MYCT1: variants seen among roughly 807,000 people sequenced by gnomAD.
The protein encoded by MYCT1 is MYC target 1, also known as myc target protein 1.
A neutral mutation model predicts 15.0 loss-of-function variants in MYCT1; 12 were observed. The ratio of observed to expected loss-of-function variants is 0.80; its 90% CI spans 0.51 to 1.29. The LOEUF is 1.29. Ranked by LOEUF, MYCT1 falls within the 50% of genes most tolerant of loss-of-function variation. The pLI is 0.00. For missense variants in MYCT1, 287 were observed against 279.1 expected, an observed-to-expected ratio of 1.03 and a Z score of -0.20; for synonymous variants, 104 against 102.7, an observed-to-expected ratio of 1.01 and a Z score of -0.07.
At chr6:152,707,420 T>A (rs1159954096) in intron 1 of MYCT1, among the ~76,000 whole-genome samples, 1 of 152,044 alleles carries the variant, frequency 6.6e-6, no homozygotes, top group Non-Finnish European at 1.5e-5. Context: ...TCATCAGATA[T>A]ACGGTTTGCA....
downstream of MYCT1, among the ~76,000 whole-genome samples, chr6:152,728,596 A>G (rs767197842): frequency 5.3e-5 from 8 of 152,118 alleles, no homozygotes; most frequent in Non-Finnish European, 1.0e-4. Flanking sequence ...AAAAACTCCT[A>G]TTAAGAATTC....
chr6:152,738,742 T>G, the MYCT1 span, among the ~76,000 whole-genome samples: 424 of 152,218 alleles, frequency 2.8e-3, 1 homozygote, highest in African/African-American at 9.8e-3. Context: ...ATTAGCACAT[T>G]TAGCTACCAT....
downstream of MYCT1, among the ~76,000 whole-genome samples, chr6:152,728,123 C>G (rs1401186174): frequency 6.6e-6 from 1 of 151,394 alleles, no homozygotes; most frequent in Non-Finnish European, 1.5e-5. Flanking sequence ...GAGATCATGC[C>G]ACTGCACTCC....
the MYCT1 span, among the ~76,000 whole-genome samples, chr6:152,737,172 C>A: frequency 6.6e-6 from 1 of 151,994 alleles, no homozygotes; most frequent in East Asian, 1.9e-4. Context: ...AAATTGCTTG[C>A]AAAATGTACT....
the MYCT1 span, among the ~76,000 whole-genome samples, chr6:152,737,973 A>G: frequency 1.3e-5 from 2 of 152,142 alleles, no homozygotes; most frequent in African/African-American, 4.8e-5. Context: ...TTCTATTTCT[A>G]GGAATTTATC....
In MYCT1 at chr6:152,722,118, T is replaced by C. The variant is rs775402977; in HGVS notation, c.573T>C (p.Asn191=). Residue 191 remains asparagine (N), a synonymous_variant, in exon 2 of 2, where the codon AAT becomes AAC. Transcript: ENST00000367245. ...AGCTGGTGACTCTCCCTTCTTCCAA[T>C]ATCTCTCCCACCATCAGCACTTCCC... is the stretch of plus-strand genomic sequence containing the variant. ...ESQLVTLPSS[N]ISPTISTSHS... 2 of 1,614,136 alleles carry C rather than the reference T, an allele frequency of 1.2e-6. No individual in the cohort carries two copies. The highest frequency in any genetic ancestry group is 4.5e-5 in the East Asian group (2 of 44,882).
intron 1 of MYCT1, among the ~76,000 whole-genome samples, chr6:152,718,898 G>A (rs923855651): frequency 3.3e-5 from 5 of 151,798 alleles, no homozygotes; most frequent in African/African-American, 9.7e-5. Flanking sequence ...TCTAGTAGTG[G>A]TTAGGTACAT....
In MYCT1 at chr6:152,721,877, G is replaced by A. The variant is rs2099724767; in HGVS notation, c.332G>A (p.Arg111Lys). ...ATCTCACAGTGGAGTTCAAGCAGGA[G>A]ATCTAGGTCTTCTTACACCCACGGC... The part of the protein sequence containing the change: ...APISQWSSSR[R>K]SRSSYTHGLN... The change falls in exon 2 of 2, where the codon AGA becomes AAA. Residue 111 changes from arginine (R) to lysine (K), a missense_variant. Transcript: ENST00000367245. 1 of 1,614,056 alleles carries A rather than the reference G, an allele frequency of 6.2e-7. No individual in the cohort carries two copies. Among genetic ancestry groups the A allele is most frequent in the Non-Finnish European group, 8.5e-7 (1 of 1,180,006 alleles).
At position 152,722,037 on chromosome 6, in the gene MYCT1, T is replaced by G. The variant is rs2099724806; in HGVS notation, c.492T>G (p.Ala164=). 6.2e-7 allele frequency: 1 copy of G among 1,614,078 alleles called. No homozygotes were observed. Among genetic ancestry groups the G allele is most frequent in the East Asian group, 2.2e-5 (1 of 44,884 alleles). Residue 164 remains alanine (A), a synonymous_variant, in exon 2 of 2, where the codon GCT becomes GCG. Coordinates refer to ENST00000367245, the MANE Select transcript of MYCT1 (RefSeq NM_025107.3). ...NSFPRKSSFR[A]STFHPFLQCP... is the part of the protein sequence containing the mutation. Reference sequence around the variant, plus strand: ...TTCCAAGAAAATCAAGTTTCAGAGCTTCTACTTTCCATCCCTTTCTGCAAT... The same window carrying G: ...TTCCAAGAAAATCAAGTTTCAGAGCGTCTACTTTCCATCCCTTTCTGCAAT...
the MYCT1 span, among the ~76,000 whole-genome samples, chr6:152,740,165 G>T: frequency 6.6e-6 from 1 of 152,078 alleles, no homozygotes; most frequent in Non-Finnish European, 1.5e-5. Context: ...TCCTGCCTCA[G>T]CCTCCTGAGT....
At chr6:152,733,797 C>A in the MYCT1 span, among the ~76,000 whole-genome samples, 1 of 152,180 alleles carries the variant, frequency 6.6e-6, no homozygotes, top group Non-Finnish European at 1.5e-5. Flanking sequence ...CTGTTCTTAA[C>A]AAGATTCAGT....
intron 1 of MYCT1, among the ~76,000 whole-genome samples, chr6:152,718,959 A>C (rs1051565158): frequency 1.3e-5 from 2 of 152,144 alleles, no homozygotes; most frequent in African/African-American, 4.8e-5. Context: ...TTGTCTTCTC[A>C]TTTGTATCAT....
chr6:152,735,925 A>C, the MYCT1 span, among the ~76,000 whole-genome samples: 1 of 152,076 alleles, frequency 6.6e-6, no homozygotes, highest in Non-Finnish European at 1.5e-5. Flanking sequence ...TTATTCTTTC[A>C]TTCCATCTTT....
chr6:152,737,399 A>G, the MYCT1 span, among the ~76,000 whole-genome samples: 1 of 151,926 alleles, frequency 6.6e-6, no homozygotes, highest in African/African-American at 2.4e-5. Flanking sequence ...AAAATATTGG[A>G]GATATCTATA....
chr6:152,698,137 G>A (rs2099720722), intron 1 of MYCT1, 39 bp downstream of exon 1: 3 of 1,286,570 alleles, frequency 2.3e-6, no homozygotes, highest in Admixed American at 2.7e-5. Flanking sequence ...TTTAAAATTA[G>A]GATGTAAGAA....
the MYCT1 span, among the ~76,000 whole-genome samples, chr6:152,734,236 G>T: frequency 4.8e-4 from 73 of 152,186 alleles, no homozygotes; most frequent in African/African-American, 2.2e-4. Context: ...TGGTTAAAAG[G>T]TTCCCACATC....
the MYCT1 span, among the ~76,000 whole-genome samples, chr6:152,730,446 C>T: frequency 3.9e-5 from 6 of 152,212 alleles, no homozygotes; most frequent in South Asian, 4.1e-4. Context: ...ACAATTTTTG[C>T]GTGCCATCCA....
chr6:152,742,365 T>A, the MYCT1 span, among the ~76,000 whole-genome samples: 1 of 152,092 alleles, frequency 6.6e-6, no homozygotes, highest in Non-Finnish European at 1.5e-5. Flanking sequence ...GCCAGAGACA[T>A]GAGAGAATAC....
At chr6:152,700,098 A>G (rs992138865) in intron 1 of MYCT1, among the ~76,000 whole-genome samples, 8 of 152,160 alleles carry the variant, frequency 5.3e-5, no homozygotes, top group Non-Finnish European at 4.4e-5. Flanking sequence ...GGGTAAAAAT[A>G]TGAAGTATAA....
Sources: allele counts gnomAD v4.1 joint callset (sites outside exome capture counted in the v4.1 genomes callset), GRCh38; gene constraint gnomAD v4.1.1; transcripts MANE v1.5; gene names NCBI Gene and HGNC (gene_info 2026-07-23, HGNC 2026-07-21).